Variants in DLG2 observed in about 807,000 individuals in gnomAD.
The protein encoded by DLG2 is discs large MAGUK scaffold protein 2.
DLG2 carries 45 observed loss-of-function variants against 132.5 expected under a neutral mutation model. The ratio of observed to expected loss-of-function variants is 0.34; its 90% CI spans 0.27 to 0.44. The LOEUF (loss-of-function observed/expected upper bound fraction) is 0.44. Among genes scored for constraint, DLG2 ranks in the 20% least tolerant of loss-of-function variants. The pLI, the probability that DLG2 is intolerant of heterozygous loss-of-function variation, is 1.00. For synonymous variants in DLG2, 424 were observed against 419.6 expected, an observed-to-expected ratio of 1.01 and a Z score of -0.13; for missense variants, 1,045 against 1,196.9, an observed-to-expected ratio of 0.87 and a Z score of 1.87.
chr11:84,254,766 T>C (rs1224899601), intron 7 of DLG2, among the ~76,000 whole-genome samples: 1 of 152,226 alleles, frequency 6.6e-6, no homozygotes, highest in East Asian at 1.9e-4. Context: ...ATTTGAAGGA[T>C]AAGATCTATG....
At chr11:83,792,064 T>C (rs975467893) in intron 17 of DLG2, among the ~76,000 whole-genome samples, 33 of 152,240 alleles carry the variant, frequency 2.2e-4, no homozygotes, top group African/African-American at 7.0e-4. Flanking sequence ...TTCATTATCA[T>C]ATCAGCTCAT....
At chr11:84,204,827 A>AAGT (rs907797597) in intron 8 of DLG2, among the ~76,000 whole-genome samples, 1 of 151,910 alleles carries the variant, frequency 6.6e-6, no homozygotes, top group Non-Finnish European at 1.5e-5. Flanking sequence ...TCAGCCTCCT[A>AAGT]AGTAGCTGGG....
chr11:85,534,207 C>T (rs528861531), intron 3 of DLG2, among the ~76,000 whole-genome samples: 3 of 152,174 alleles, frequency 2.0e-5, no homozygotes, highest in Middle Eastern at 6.8e-3. Flanking sequence ...CCTCAGCCTC[C>T]CAAAGTGCTG....
At chr11:85,525,919 G>C (rs1211759295) in intron 3 of DLG2, among the ~76,000 whole-genome samples, 1 of 152,198 alleles carries the variant, frequency 6.6e-6, no homozygotes, top group Non-Finnish European at 1.5e-5. Context: ...TTAGTCTTTA[G>C]CAGAGCAGTT....
chr11:85,105,994 G>GAA (rs61473493), intron 6 of DLG2, among the ~76,000 whole-genome samples: 11 of 145,466 alleles, frequency 7.6e-5, no homozygotes, highest in African/African-American at 2.5e-4. Context: ...ACCAAAAAAA[G>GAA]AAAAAAAAAA....
At chr11:85,194,258 C>G (rs969555593) in intron 4 of DLG2, among the ~76,000 whole-genome samples, 1 of 152,156 alleles carries the variant, frequency 6.6e-6, no homozygotes, top group Non-Finnish European at 1.5e-5. Context: ...AGATGTACAG[C>G]TTACTTTTTT....
intron 18 of DLG2, among the ~76,000 whole-genome samples, chr11:83,781,633 C>T (rs947181348): frequency 6.6e-6 from 1 of 152,156 alleles, no homozygotes; most frequent in African/African-American, 2.4e-5. Flanking sequence ...ACCTGCAGGC[C>T]ATTCTGAAAT....
At chr11:83,709,385 T>A (rs957395404) in intron 18 of DLG2, among the ~76,000 whole-genome samples, 2 of 149,952 alleles carry the variant, frequency 1.3e-5, no homozygotes, top group Non-Finnish European at 3.0e-5. Context: ...ATATATAACT[T>A]TAGTTTTTTC....
At chr11:83,661,706 C>G (rs1265301241) in intron 18 of DLG2, among the ~76,000 whole-genome samples, 1 of 152,088 alleles carries the variant, frequency 6.6e-6, no homozygotes, top group Non-Finnish European at 1.5e-5. Flanking sequence ...CTGCAGTGCT[C>G]AAGACAGCTT....
intron 3 of DLG2, among the ~76,000 whole-genome samples, chr11:85,443,847 G>C (rs760163804): frequency 6.6e-6 from 1 of 152,126 alleles, no homozygotes; most frequent in Non-Finnish European, 1.5e-5. Flanking sequence ...TTATCAAGCT[G>C]TTCTTTGGTG....
chr11:85,137,426 CAG>C, intron 5 of DLG2, among the ~76,000 whole-genome samples: 1 of 152,254 alleles, frequency 6.6e-6, no homozygotes, highest in South Asian at 2.1e-4. Flanking sequence ...GACCCCAACA[CAG>C]AGAGTGGTCT....
intron 9 of DLG2, among the ~76,000 whole-genome samples, chr11:84,103,877 A>G (rs891500132): frequency 6.6e-6 from 1 of 152,062 alleles, no homozygotes; most frequent in African/African-American, 2.4e-5. Context: ...ATTTATATAT[A>G]ATGTTGTACC....
At chr11:84,594,218 G>T (rs1001244313) in intron 6 of DLG2, among the ~76,000 whole-genome samples, 1 of 152,176 alleles carries the variant, frequency 6.6e-6, no homozygotes. Flanking sequence ...GATTTCTTTA[G>T]CCCTGGTAAG....
chr11:83,793,492 G>T (rs920520837), intron 17 of DLG2, among the ~76,000 whole-genome samples: 1 of 152,096 alleles, frequency 6.6e-6, no homozygotes, highest in African/African-American at 2.4e-5. Context: ...TTTCTTGGAC[G>T]TTTCCTTTAC....
At chr11:85,291,468 C>T (rs1417247345) in intron 3 of DLG2, among the ~76,000 whole-genome samples, 1 of 152,042 alleles carries the variant, frequency 6.6e-6, no homozygotes, top group Non-Finnish European at 1.5e-5. Flanking sequence ...AACCAGAAAC[C>T]CCTGTGGAGG....
At chr11:83,503,369 T>TTA (rs34969401) in intron 21 of DLG2, among the ~76,000 whole-genome samples, 48 of 90,588 alleles carry the variant, frequency 5.3e-4, no homozygotes, top group South Asian at 1.3e-3. Flanking sequence ...ACACACCCAT[T>TTA]TATATATATA....
intron 6 of DLG2, among the ~76,000 whole-genome samples, chr11:84,782,579 G>T (rs1258902886): frequency 6.6e-6 from 1 of 152,014 alleles, no homozygotes; most frequent in East Asian, 1.9e-4. Flanking sequence ...AGAAATCCTA[G>T]GTTGTGGAAA....
At chr11:85,115,632 C>T (rs1337840505) in intron 5 of DLG2, among the ~76,000 whole-genome samples, 1 of 151,934 alleles carries the variant, frequency 6.6e-6, no homozygotes, top group Non-Finnish European at 1.5e-5. Flanking sequence ...AAGTATTTAA[C>T]TCTGGCTGGG....
chr11:85,606,414 A>T (rs2153253226), intron 2 of DLG2, among the ~76,000 whole-genome samples: 1 of 152,314 alleles, frequency 6.6e-6, no homozygotes, highest in South Asian at 2.1e-4. Context: ...TGCACCAATC[A>T]GTGCTCTGTG....
Sources: allele counts gnomAD v4.1 joint callset (sites outside exome capture counted in the v4.1 genomes callset), GRCh38; gene constraint gnomAD v4.1.1; transcripts MANE v1.5; gene names NCBI Gene and HGNC (gene_info 2026-07-23, HGNC 2026-07-21).